The following TMEM108 variants were observed in gnomAD, a reference collection of about 807,000 sequenced individuals.
TMEM108 encodes transmembrane protein 108.
A neutral mutation model predicts 35.1 loss-of-function variants in TMEM108; 12 were observed. The ratio of observed to expected loss-of-function variants is 0.34; its 90% confidence interval spans 0.22 to 0.55. TMEM108 has a LOEUF of 0.55. Among genes scored for constraint, TMEM108 ranks in the 20% least tolerant of loss-of-function variants. TMEM108 has a pLI of 0.89. For synonymous variants in TMEM108, 287 were observed against 308.6 expected (o/e 0.93, Z 0.73); for missense variants, 680 against 753.3 (o/e 0.90, Z 1.14).
At chr3:133,348,851 T>C (rs1371072021) in intron 3 of TMEM108, among the ~76,000 whole-genome samples, 3 of 151,954 alleles carry the variant, frequency 2.0e-5, no homozygotes, top group Non-Finnish European at 2.9e-5. Flanking sequence ...ATAAAACAAA[T>C]AGAGGAAAAT....
At chr3:133,192,921 T>TGTGTGTGTGTGTGCGCGTGTGTGC (rs1419512673) in intron 2 of TMEM108, 1 of 151,902 alleles carries the variant, frequency 6.6e-6, no homozygotes, top group African/African-American at 2.4e-5. Flanking sequence ...TGTGTGTGTG[T>TGTGTGTGTGTGTGCGCGTGTGTGC]GTGCGCGTGT....
At chr3:133,245,600 G>A (rs76011724) in intron 3 of TMEM108, among the ~76,000 whole-genome samples, 7 of 152,162 alleles carry the variant, frequency 4.6e-5, no homozygotes, top group African/African-American at 1.7e-4. Context: ...TCAGTTAAGA[G>A]CCCACATGGT....
chr3:133,090,543 A>G (rs906037130), intron 2 of TMEM108, among the ~76,000 whole-genome samples: 1 of 152,242 alleles, frequency 6.6e-6, no homozygotes, highest in African/African-American at 2.4e-5. Flanking sequence ...TCGCATTACT[A>G]TAAAGAAATA....
intron 3 of TMEM108, among the ~76,000 whole-genome samples, chr3:133,238,277 A>G (rs1228924041): frequency 6.9e-6 from 1 of 144,444 alleles, no homozygotes. Context: ...ATTCTATTTC[A>G]TCATCCATTC....
intron 1 of TMEM108, among the ~76,000 whole-genome samples, chr3:133,041,377 G>C (rs942896667): frequency 2.1e-4 from 32 of 152,212 alleles, no homozygotes; most frequent in African/African-American, 7.2e-4. Context: ...ACCCCCCAGG[G>C]CTCCCAGAAA....
intron 2 of TMEM108, among the ~76,000 whole-genome samples, chr3:133,179,986 A>G (rs1333933329): frequency 1.3e-5 from 2 of 152,040 alleles, no homozygotes; most frequent in Admixed American, 1.3e-4. Flanking sequence ...ATAACTTAAA[A>G]TATCTCGAAA....
chr3:133,248,203 AG>A, intron 3 of TMEM108: 1 of 152,048 alleles, frequency 6.6e-6, no homozygotes. Flanking sequence ...GACGATAACA[AG>A]CCTTTTGTAC....
At chr3:133,199,673 C>T (rs972627203) in intron 2 of TMEM108, among the ~76,000 whole-genome samples, 2 of 152,124 alleles carry the variant, frequency 1.3e-5, no homozygotes, top group South Asian at 2.1e-4. Flanking sequence ...GGCACCCAGC[C>T]GTATGAGGTG....
chr3:133,272,943 C>G (rs954930545), intron 3 of TMEM108, among the ~76,000 whole-genome samples: 2 of 152,086 alleles, frequency 1.3e-5, no homozygotes, highest in African/African-American at 4.8e-5. Context: ...GACAAATCAC[C>G]CAGCCCCAGA....
chr3:133,097,582 G>T (rs920608760), intron 2 of TMEM108, among the ~76,000 whole-genome samples: 2 of 152,136 alleles, frequency 1.3e-5, no homozygotes, highest in African/African-American at 4.8e-5. Flanking sequence ...GCATTTGAAA[G>T]GATAACATTA....
At position 133,308,244 on chromosome 3, in the gene TMEM108, C is replaced by A. The variant is rs547147795; in HGVS notation, c.41-71508C>A. On this transcript the variant is annotated intron_variant, in intron 3 of 5. Coordinates refer to ENST00000321871, the MANE Select transcript of TMEM108 (RefSeq NM_023943.4). ...AGACTTTGCTGAAGTTGCTTATCAG[C>A]TTAAGGAGATTTTGGGCTAAGACGA... Among the ~76,000 whole-genome samples the A allele has an allele frequency of 2.5e-3, 378 of 152,226 alleles. 1 individual carries two copies. Among genetic ancestry groups the A allele is most frequent in the African/African-American group, 8.7e-3 (363 of 41,504 alleles).
At chr3:133,044,479 T>G (rs186903230) in intron 1 of TMEM108, among the ~76,000 whole-genome samples, 114 of 152,342 alleles carry the variant, frequency 7.5e-4, no homozygotes, top group African/African-American at 2.6e-3. Context: ...CTGCAAATCA[T>G]TTTATGGTTT....
intron 2 of TMEM108, among the ~76,000 whole-genome samples, chr3:133,181,235 C>T (rs1328562924): frequency 2.0e-5 from 3 of 152,044 alleles, no homozygotes; most frequent in Non-Finnish European, 4.4e-5. Context: ...GGAGGCTCAT[C>T]TATGAACCAT....
Position 133,380,522 on chromosome 3 carries a change from C to T in TMEM108, c.811C>T (p.Leu271=), listed in dbSNP as rs1171879385. 6.2e-7 allele frequency: 1 copy of T among 1,613,834 alleles called. No individual in the cohort carries two copies. Among genetic ancestry groups the T allele is most frequent in the East Asian group, 2.2e-5 (1 of 44,878 alleles). ...NTSWAPTTTS[L]GPAKDKPGLR... The stretch of plus-strand genomic sequence containing the variant: ...CTCATGGGCACCCACCACCACCTCC[C>T]TGGGGCCTGCAAAGGACAAGCCAGG... The change falls in exon 4 of 6, where the codon CTG becomes TTG. Residue 271 remains leucine, a synonymous_variant. Coordinates refer to ENST00000321871, the MANE Select transcript of TMEM108 (RefSeq NM_023943.4). The surrounding 1 kb of genome is among the most constrained non-coding windows in gnomAD (Gnocchi z 5.3).
At chr3:133,388,192 C>A in intron 4 of TMEM108, 1 of 985,456 alleles carries the variant, frequency 1.0e-6, no homozygotes, top group Non-Finnish European at 1.2e-6. Flanking sequence ...TGGCTTCTGT[C>A]ACACCAGCTA....
At chr3:133,082,424 G>A (rs1200962156) in intron 2 of TMEM108, among the ~76,000 whole-genome samples, 1 of 152,080 alleles carries the variant, frequency 6.6e-6, no homozygotes, top group African/African-American at 2.4e-5. Flanking sequence ...CTGCCATAAC[G>A]TCCTTTCCCT....
intron 2 of TMEM108, among the ~76,000 whole-genome samples, chr3:133,114,580 A>G (rs756392108): frequency 6.6e-6 from 1 of 152,034 alleles, no homozygotes; most frequent in Non-Finnish European, 1.5e-5. Context: ...TTATGCCAGC[A>G]TTTGTCACAC....
chr3:133,323,160 A>C (rs1178013507), intron 3 of TMEM108, among the ~76,000 whole-genome samples: 4 of 152,140 alleles, frequency 2.6e-5, no homozygotes, highest in Non-Finnish European at 5.9e-5. Flanking sequence ...TACCAGCCAG[A>C]GCAATCAGAC....
chr3:133,257,810 C>T (rs1483190313), intron 3 of TMEM108, among the ~76,000 whole-genome samples: 2 of 152,136 alleles, frequency 1.3e-5, no homozygotes, highest in African/African-American at 4.8e-5. Context: ...AAGACAGGTG[C>T]AGGGGCTTTT....
Sources: gnomAD v4.1 joint callset for allele counts (sites outside exome capture counted in the v4.1 genomes callset) on GRCh38, gnomAD v4.1.1 for gene constraint, Gnocchi (gnomAD v3.1) non-coding constraint, MANE v1.5 for transcripts, NCBI Gene and HGNC (gene_info 2026-07-23, HGNC 2026-07-21) for gene names.